The following XRCC4 variants were observed in gnomAD, a reference collection of about 807,000 sequenced individuals.
XRCC4 encodes X-ray repair cross complementing 4.
Under a neutral mutation model 39.1 loss-of-function variants are expected in XRCC4, and 28 were observed. The ratio of observed to expected loss-of-function variants is 0.72; its 90% CI spans 0.53 to 0.98. The LOEUF is 0.98. XRCC4 is among the 50% of genes least tolerant of loss of function. The pLI, the probability that XRCC4 is intolerant of heterozygous loss-of-function variation, is 0.00. For synonymous variants in XRCC4, 123 were observed against 126.4 expected (o/e 0.97, Z 0.18); for missense variants, 350 against 376.4 (o/e 0.93, Z 0.58).
intron 7 of XRCC4, among the ~76,000 whole-genome samples, chr5:83,309,934 C>CATAAACGT (rs1561468239): frequency 6.6e-6 from 1 of 151,936 alleles, no homozygotes; most frequent in East Asian, 1.9e-4. Context: ...TTAGAGAAAA[C>CATAAACGT]ATAAACGTGT....
chr5:83,284,565 T>C (rs1228271091), intron 7 of XRCC4, among the ~76,000 whole-genome samples: 1 of 152,164 alleles, frequency 6.6e-6, no homozygotes, highest in Admixed American at 6.5e-5. Flanking sequence ...GTCATTCTCA[T>C]TGTTTTAATG....
intron 1 of XRCC4, among the ~76,000 whole-genome samples, chr5:83,093,123 A>C (rs550213899): frequency 6.6e-6 from 1 of 152,216 alleles, no homozygotes; most frequent in African/African-American, 2.4e-5. Flanking sequence ...GAAATGGAAA[A>C]AGATATTCTA....
intron 7 of XRCC4, among the ~76,000 whole-genome samples, chr5:83,274,492 G>A (rs1754256824): frequency 6.6e-6 from 1 of 152,090 alleles, no homozygotes; most frequent in Non-Finnish European, 1.5e-5. Context: ...GACATGGTGG[G>A]GAGCAAAACA....
chr5:83,338,305 A>T (rs918486785), intron 7 of XRCC4, among the ~76,000 whole-genome samples: 3 of 152,230 alleles, frequency 2.0e-5, no homozygotes, highest in Non-Finnish European at 4.4e-5. Context: ...ATAGTTACAT[A>T]CATAGTTCGG....
chr5:83,313,302 A>G (rs1755769319), intron 7 of XRCC4, among the ~76,000 whole-genome samples: 1 of 152,120 alleles, frequency 6.6e-6, no homozygotes, highest in Admixed American at 6.6e-5. Context: ...AGAAGGGATC[A>G]TGATATATGC....
intron 3 of XRCC4, among the ~76,000 whole-genome samples, chr5:83,147,954 A>C (rs1748537384): frequency 6.6e-6 from 1 of 151,846 alleles, no homozygotes; most frequent in Admixed American, 6.6e-5. Flanking sequence ...TGCCCAGCTA[A>C]TTTTTGTATT....
intron 3 of XRCC4, among the ~76,000 whole-genome samples, chr5:83,184,190 A>C (rs28360118): frequency 6.6e-6 from 1 of 152,050 alleles, no homozygotes; most frequent in South Asian, 2.1e-4. Context: ...AACATACTAA[A>C]ATTTGATATT....
intron 1 of XRCC4, among the ~76,000 whole-genome samples, chr5:83,094,483 A>G (rs1745583573): frequency 6.7e-6 from 1 of 148,154 alleles, no homozygotes; most frequent in South Asian, 2.1e-4. Flanking sequence ...ATGTCCATCT[A>G]GAAGCTCACT....
At chr5:83,197,175 T>C (rs1051689259) in intron 4 of XRCC4, among the ~76,000 whole-genome samples, 3 of 151,956 alleles carry the variant, frequency 2.0e-5, no homozygotes, top group African/African-American at 7.2e-5. Context: ...CAGGAAACCA[T>C]GCAGAAAAAG....
chr5:83,329,260 A>C (rs1756362160), intron 7 of XRCC4, among the ~76,000 whole-genome samples: 2 of 152,126 alleles, frequency 1.3e-5, no homozygotes, highest in African/African-American at 2.4e-5. Flanking sequence ...GAAAGAGTGC[A>C]ACCCCACAAA....
intron 7 of XRCC4, among the ~76,000 whole-genome samples, chr5:83,313,352 A>C (rs1370867416): frequency 6.6e-6 from 1 of 152,150 alleles, no homozygotes; most frequent in Non-Finnish European, 1.5e-5. Context: ...CTAATAGACA[A>C]CACATTTACA....
At chr5:83,240,964 G>A (rs1329629559) in intron 6 of XRCC4, among the ~76,000 whole-genome samples, 6 of 152,206 alleles carry the variant, frequency 3.9e-5, no homozygotes, top group Admixed American at 6.5e-5. Flanking sequence ...GGCCAGGCGC[G>A]GTGGCTCATG....
intron 3 of XRCC4, among the ~76,000 whole-genome samples, chr5:83,140,014 T>C (rs954983419): frequency 1.1e-4 from 17 of 152,348 alleles, no homozygotes; most frequent in Middle Eastern, 3.4e-3. Flanking sequence ...TTTGTAACTT[T>C]CTCTGACAGT....
intron 3 of XRCC4, among the ~76,000 whole-genome samples, chr5:83,119,874 G>C (rs1299631816): frequency 6.6e-6 from 1 of 151,922 alleles, no homozygotes; most frequent in Admixed American, 6.6e-5. Flanking sequence ...CTACTTAGGA[G>C]GCTGAGGTGG....
At chr5:83,181,320 T>A (rs927120196) in intron 3 of XRCC4, among the ~76,000 whole-genome samples, 2 of 152,080 alleles carry the variant, frequency 1.3e-5, no homozygotes, top group African/African-American at 2.4e-5. Flanking sequence ...ATTAGAGGTA[T>A]ATAGTGAACA....
chr5:83,325,409 C>T (rs1375646665), intron 7 of XRCC4, among the ~76,000 whole-genome samples: 1 of 151,912 alleles, frequency 6.6e-6, no homozygotes, highest in Non-Finnish European at 1.5e-5. Context: ...ATCCCATCAC[C>T]CAGGTATTAA....
intron 7 of XRCC4, among the ~76,000 whole-genome samples, chr5:83,282,965 A>G (rs1487399708): frequency 1.3e-5 from 2 of 151,454 alleles, no homozygotes; most frequent in East Asian, 3.9e-4. Flanking sequence ...TTGGGTAGTG[A>G]CTTTTTTGTT....
chr5:83,184,611 G>T (rs1299196702), intron 3 of XRCC4, among the ~76,000 whole-genome samples: 1 of 151,962 alleles, frequency 6.6e-6, no homozygotes. Context: ...TTTACACTAC[G>T]TTCTATTAAG....
rs950736526 is a variant in XRCC4 at position 83,196,023 on chromosome 5, A to G, written c.482+87A>G. 7 of 1,338,840 alleles carry G rather than the reference A, an allele frequency of 5.2e-6. No homozygotes were observed. In the East Asian group the frequency reaches 7.1e-5, roughly 14 times the overall value. The allele number at this position is 1,338,840 out of a possible 1,614,324, so 82.9% of individuals were successfully genotyped here. A position where few individuals can be genotyped will look rare whatever the true frequency, so the allele number is the denominator to read the frequency against. ...TAAGTTAATGATTGGTAAATTTCCA[A>G]TATATGTGGATTAGCACATATATAT... On this transcript the variant is annotated intron_variant, in intron 4 of 7. Transcript: ENST00000396027.
Sources: allele counts gnomAD v4.1 joint callset (sites outside exome capture counted in the v4.1 genomes callset), GRCh38; gene constraint gnomAD v4.1.1; transcripts MANE v1.5; gene names NCBI Gene and HGNC (gene_info 2026-07-23, HGNC 2026-07-21).